Variants in SNX29 observed in about 807,000 individuals in gnomAD.
SNX29 encodes sorting nexin-29.
In SNX29, 78 loss-of-function variants were observed where a neutral mutation model predicts 102.1. The ratio of observed to expected loss-of-function variants is 0.76; its 90% CI spans 0.64 to 0.92. The LOEUF (loss-of-function observed/expected upper bound fraction) is 0.92, where lower values mean the gene tolerates loss of function less well. Ranked by LOEUF, SNX29 falls within the 40% of genes least tolerant of loss-of-function variation. The pLI, the probability that SNX29 is intolerant of heterozygous loss-of-function variation, is 0.00. For missense variants in SNX29, 1,280 were observed against 1,061.7 expected (o/e 1.21, Z -2.86); for synonymous variants, 580 against 414.5 (o/e 1.40, Z -4.85).
At chr16:12,176,494 A>T (rs2076263985) in intron 13 of SNX29, among the ~76,000 whole-genome samples, 1 of 152,260 alleles carries the variant, frequency 6.6e-6, no homozygotes. Flanking sequence ...CAGGAAGAAC[A>T]TACAAAATAT....
In SNX29 at chr16:12,464,569, C is replaced by T. The variant is rs374653126; in HGVS notation, c.2038-13150C>T. Among the ~76,000 whole-genome samples the T allele has an allele frequency of 2.6e-5, 4 of 152,070 alleles. No individual in the cohort carries two copies. The South Asian group carries it at 8.3e-4, about 32-fold the overall frequency. On this transcript the variant is annotated intron_variant, in intron 18 of 20. Transcript: ENST00000566228. ...CCTGGGCTCAAGCGATCCTCCCACC[C>T]TAGCCTCCTGAGTAGCTGGGACTTA...
intron 20 of SNX29, among the ~76,000 whole-genome samples, chr16:12,542,598 C>T (rs952911791): frequency 6.6e-6 from 1 of 152,220 alleles, no homozygotes; most frequent in Non-Finnish European, 1.5e-5. Context: ...TCCCAAAGTG[C>T]TGGGATTACA....
chr16:12,459,790 C>G (rs1420258142), intron 18 of SNX29, among the ~76,000 whole-genome samples: 2 of 152,202 alleles, frequency 1.3e-5, no homozygotes, highest in East Asian at 1.9e-4. Flanking sequence ...GCCCAGCAGT[C>G]TTTCCAGCTC....
At chr16:12,554,093 C>G (rs554464037) in intron 20 of SNX29, among the ~76,000 whole-genome samples, 2 of 152,354 alleles carry the variant, frequency 1.3e-5, no homozygotes, top group East Asian at 1.9e-4. Context: ...CCCAAAAGCA[C>G]TTGGGATTAC....
chr16:12,214,189 A>T (rs753041410), intron 14 of SNX29, among the ~76,000 whole-genome samples: 1 of 152,182 alleles, frequency 6.6e-6, no homozygotes, highest in Non-Finnish European at 1.5e-5. Flanking sequence ...TGGAAATATC[A>T]AGTATCGATT....
At chr16:12,540,920 T>C (rs1477784907) in intron 20 of SNX29, among the ~76,000 whole-genome samples, 2 of 152,210 alleles carry the variant, frequency 1.3e-5, no homozygotes, top group Non-Finnish European at 2.9e-5. Context: ...CCCTGTCTGT[T>C]CACCCCCTGC....
intron 11 of SNX29, among the ~76,000 whole-genome samples, chr16:12,110,112 A>G (rs1300588826): frequency 6.6e-6 from 1 of 152,066 alleles, no homozygotes; most frequent in Non-Finnish European, 1.5e-5. Flanking sequence ...CCTAAGCTGG[A>G]CCTGTCACTG....
chr16:12,154,552 C>A (rs77425293), intron 13 of SNX29, among the ~76,000 whole-genome samples: 2 of 152,180 alleles, frequency 1.3e-5, no homozygotes, highest in African/African-American at 4.8e-5. Flanking sequence ...GCATTTCCCC[C>A]GTCTCCAACT....
chr16:12,059,784 G>T (rs2050692784), intron 8 of SNX29, among the ~76,000 whole-genome samples: 1 of 152,166 alleles, frequency 6.6e-6, no homozygotes, highest in Non-Finnish European at 1.5e-5. Context: ...GTTGATTTTA[G>T]AGTAGCTCTA....
At chr16:12,306,728 T>C (rs2080350237) in intron 15 of SNX29, among the ~76,000 whole-genome samples, 1 of 152,242 alleles carries the variant, frequency 6.6e-6, no homozygotes, top group Admixed American at 6.5e-5. Flanking sequence ...TCAATATTGC[T>C]TCCCCAGCAC....
At chr16:12,292,140 C>T (rs1401582248) in intron 15 of SNX29, among the ~76,000 whole-genome samples, 2 of 152,046 alleles carry the variant, frequency 1.3e-5, no homozygotes, top group African/African-American at 2.4e-5. Context: ...AGAATAGGAC[C>T]TTGCCAGTGA....
At chr16:12,305,853 G>A (rs536746570) in intron 15 of SNX29, among the ~76,000 whole-genome samples, 1 of 152,308 alleles carries the variant, frequency 6.6e-6, no homozygotes, top group South Asian at 2.1e-4. Flanking sequence ...ACATCAGGGT[G>A]GAGTACCGAC....
intron 13 of SNX29, among the ~76,000 whole-genome samples, chr16:12,171,420 A>T (rs1415948354): frequency 6.6e-6 from 1 of 152,194 alleles, no homozygotes; most frequent in Non-Finnish European, 1.5e-5. Context: ...TTTTGAAGTC[A>T]TACCAGAGCA....
intron 11 of SNX29, among the ~76,000 whole-genome samples, chr16:12,094,600 G>T (rs931965407): frequency 6.6e-6 from 1 of 152,176 alleles, no homozygotes; most frequent in African/African-American, 2.4e-5. Flanking sequence ...TCTTAGCTGG[G>T]GGTGATTGCA....
At chr16:12,066,618 A>G (rs1304923721) in intron 9 of SNX29, among the ~76,000 whole-genome samples, 1 of 152,078 alleles carries the variant, frequency 6.6e-6, no homozygotes, top group African/African-American at 2.4e-5. Flanking sequence ...GCCGAGGGTG[A>G]CAGAGGGCCT....
intron 18 of SNX29, among the ~76,000 whole-genome samples, chr16:12,445,155 G>GTTTT (rs1345077307): frequency 3.3e-5 from 5 of 150,842 alleles, no homozygotes; most frequent in African/African-American, 1.2e-4. Flanking sequence ...CTGGCTGACA[G>GTTTT]TTTTTTTTTG....
At chr16:12,551,691 C>T (rs990017166) in intron 20 of SNX29, among the ~76,000 whole-genome samples, 5 of 152,210 alleles carry the variant, frequency 3.3e-5, no homozygotes, top group African/African-American at 9.6e-5. Context: ...AAGTACCACC[C>T]TCCTTTCAGG....
chr16:12,385,366 C>G (rs906266403), intron 16 of SNX29, among the ~76,000 whole-genome samples: 2 of 152,176 alleles, frequency 1.3e-5, no homozygotes, highest in African/African-American at 4.8e-5. Flanking sequence ...CCTGAGACAA[C>G]TTGTTCATAG....
chr16:12,295,953 G>T lies in SNX29; in HGVS notation c.1782+17917G>T, dbSNP rs527704317. Among the ~76,000 whole-genome samples, 8 of 152,332 alleles carry T rather than the reference G, an allele frequency of 5.3e-5. No homozygotes were observed. The South Asian group carries it at 1.7e-3, about 32-fold the overall frequency. On this transcript the variant is annotated intron_variant, in intron 15 of 20. Transcript: ENST00000566228. ...TTTCCAAAAATGAGTCTTTTAAACA[G>T]TTCTTCTCCTCAAAATGAAATATGT...
Sources: allele counts gnomAD v4.1 joint callset (sites outside exome capture counted in the v4.1 genomes callset), GRCh38; gene constraint gnomAD v4.1.1; transcripts MANE v1.5; gene names NCBI Gene and HGNC (gene_info 2026-07-23, HGNC 2026-07-21).